Variants in ARID1B observed in about 807,000 individuals in gnomAD.
The protein encoded by ARID1B is AT-rich interactive domain-containing protein 1B.
ARID1B carries 30 observed loss-of-function variants against 212.3 expected under a neutral mutation model. The ratio of observed to expected loss-of-function variants is 0.14; its 90% CI spans 0.11 to 0.19. The LOEUF (loss-of-function observed/expected upper bound fraction) is 0.19, where lower values mean the gene tolerates loss of function less well. Among genes scored for constraint, ARID1B ranks in the 10% least tolerant of loss-of-function variants. ARID1B has a pLI of 1.00. For synonymous variants in ARID1B, 1,402 were observed against 1,301.7 expected, an observed-to-expected ratio of 1.08 and a Z score of -1.66; for missense variants, 2,891 against 3,204.0, an observed-to-expected ratio of 0.90 and a Z score of 2.36.
chr6:156,854,981 T>C (rs1159885886), intron 2 of ARID1B, among the ~76,000 whole-genome samples: 1 of 152,240 alleles, frequency 6.6e-6, no homozygotes, highest in Non-Finnish European at 1.5e-5. Flanking sequence ...CCACTTGGGC[T>C]GTTTGATAAG....
intron 1 of ARID1B, among the ~76,000 whole-genome samples, chr6:156,821,499 A>C (rs181135071): frequency 1.3e-3 from 193 of 152,362 alleles, no homozygotes; most frequent in Admixed American, 2.3e-3. Context: ...CTTTTGTTAC[A>C]TAGGAGGAAG....
chr6:156,992,518 G>A (rs998863196), intron 4 of ARID1B, among the ~76,000 whole-genome samples: 6 of 152,160 alleles, frequency 3.9e-5, no homozygotes, highest in Non-Finnish European at 7.3e-5. Flanking sequence ...GAGCATCTTC[G>A]TGAGTTTTCT....
intron 4 of ARID1B, among the ~76,000 whole-genome samples, chr6:157,062,250 A>C (rs1032156214): frequency 6.6e-6 from 1 of 151,012 alleles, no homozygotes; most frequent in Non-Finnish European, 1.5e-5. Context: ...CCCAGGCTGG[A>C]GTACAGTGGC....
At chr6:156,931,313 G>A (rs1039220324) in intron 3 of ARID1B, among the ~76,000 whole-genome samples, 2 of 151,448 alleles carry the variant, frequency 1.3e-5, no homozygotes, top group African/African-American at 2.4e-5. Flanking sequence ...GTTACATATT[G>A]CTATTTGGAT....
At chr6:156,808,088 A>G (rs1236887744) in intron 1 of ARID1B, among the ~76,000 whole-genome samples, 3 of 152,178 alleles carry the variant, frequency 2.0e-5, no homozygotes, top group Non-Finnish European at 2.9e-5. Flanking sequence ...CTTTAACCCT[A>G]TTGTATCCCA....
chr6:156,951,539 G>A (rs1349122308), intron 4 of ARID1B, among the ~76,000 whole-genome samples: 1 of 152,002 alleles, frequency 6.6e-6, no homozygotes, highest in Non-Finnish European at 1.5e-5. Flanking sequence ...CACCTCCTGG[G>A]TTTACGCCAT....
chr6:157,024,237 C>G (rs1042179196), intron 4 of ARID1B: 2 of 152,218 alleles, frequency 1.3e-5, no homozygotes, highest in African/African-American at 4.8e-5. Flanking sequence ...GTCATTTCAT[C>G]CCAAACGCTG....
intron 2 of ARID1B, among the ~76,000 whole-genome samples, chr6:156,900,142 T>C (rs1335807862): frequency 6.6e-6 from 1 of 152,252 alleles, no homozygotes; most frequent in Admixed American, 6.5e-5. Context: ...ATGCAGACTT[T>C]TCTGCTCCAA....
rs138005030 is a variant in ARID1B, at chr6:156,865,380, A to T, written c.1986+35959A>T. 1.7e-4 allele frequency among the ~76,000 whole-genome samples: 26 copies of T among 152,324 alleles called. No homozygotes were observed. The East Asian group carries it at 4.6e-3, about 27-fold the overall frequency. ...AATTCTGGAAATCACTTTCCTTCAC[A>T]ATTCTGAAGCACTTGCTCAACTGTC... On this transcript the variant is annotated intron_variant, in intron 2 of 19. Transcript: ENST00000636930.
intron 3 of ARID1B, among the ~76,000 whole-genome samples, chr6:156,905,439 T>C (rs761795937): frequency 1.3e-4 from 20 of 152,200 alleles, no homozygotes; most frequent in Non-Finnish European, 1.3e-4. Flanking sequence ...CTTTTGATTA[T>C]AGTTAGGACT....
intron 2 of ARID1B, among the ~76,000 whole-genome samples, chr6:156,875,244 T>C (rs981519657): frequency 1.3e-5 from 2 of 152,206 alleles, no homozygotes; most frequent in African/African-American, 2.4e-5. Flanking sequence ...GGAAGGAAAG[T>C]CATTCTTTAG....
intron 4 of ARID1B, among the ~76,000 whole-genome samples, chr6:157,014,842 T>C (rs1779815958): frequency 1.3e-5 from 2 of 151,570 alleles, no homozygotes; most frequent in South Asian, 2.1e-4. Flanking sequence ...AATTACCTTA[T>C]GTATACTAAA....
At chr6:156,975,613 C>CTTTTTTTTTTTTTTTT (rs367797338) in intron 4 of ARID1B, among the ~76,000 whole-genome samples, 182 of 110,702 alleles carry the variant, frequency 1.6e-3, no homozygotes, top group Middle Eastern at 4.9e-3. Context: ...TTTTTTTTTT[C>CTTTTTTTTTTTTTTTT]TTTTTTTTTT....
chr6:156,785,592 G>T (rs1339190300), intron 1 of ARID1B, among the ~76,000 whole-genome samples: 1 of 151,966 alleles, frequency 6.6e-6, no homozygotes, highest in East Asian at 1.9e-4. Context: ...CCATTTTTAG[G>T]CATACATTCC....
chr6:157,042,518 G>T (rs892269240), intron 4 of ARID1B, among the ~76,000 whole-genome samples: 7 of 152,148 alleles, frequency 4.6e-5, no homozygotes, highest in African/African-American at 1.7e-4. Context: ...AAAAATACAT[G>T]TGGAGAGGTC....
chr6:157,027,303 T>C (rs1780723324), intron 4 of ARID1B, among the ~76,000 whole-genome samples: 2 of 152,256 alleles, frequency 1.3e-5, no homozygotes, highest in South Asian at 4.1e-4. Flanking sequence ...CTTTCTTTTA[T>C]TGAATTGTCT....
intron 2 of ARID1B, among the ~76,000 whole-genome samples, chr6:156,834,764 C>G (rs1454259733): frequency 6.6e-6 from 1 of 152,136 alleles, no homozygotes; most frequent in Non-Finnish European, 1.5e-5. Context: ...TAAATAATGG[C>G]CTTTCGTTGG....
chr6:156,921,603 G>A (rs1308966517), intron 3 of ARID1B, among the ~76,000 whole-genome samples: 1 of 152,048 alleles, frequency 6.6e-6, no homozygotes, highest in Non-Finnish European at 1.5e-5. Context: ...GATACTAATT[G>A]GATGCTAAGT....
intron 6 of ARID1B, among the ~76,000 whole-genome samples, chr6:157,123,245 C>CCG (rs1787890791): frequency 2.5e-5 from 3 of 120,344 alleles, no homozygotes; most frequent in African/African-American, 9.6e-5. Flanking sequence ...CCCGCCCCCC[C>CCG]CCCACACACA....
Sources: allele counts gnomAD v4.1 joint callset (sites outside exome capture counted in the v4.1 genomes callset), GRCh38; gene constraint gnomAD v4.1.1; transcripts MANE v1.5; gene names NCBI Gene and HGNC (gene_info 2026-07-23, HGNC 2026-07-21).